The following CNNM4 variants were observed in gnomAD, a reference collection of about 807,000 sequenced individuals.
The protein encoded by CNNM4 is metal transporter CNNM4.
CNNM4 carries 32 observed loss-of-function variants against 53.7 expected under a neutral mutation model. The observed-to-expected ratio is 0.60, with a 90% confidence interval of 0.45 to 0.80. The LOEUF (loss-of-function observed/expected upper bound fraction) is 0.80. CNNM4 is among the 30% of genes least tolerant of loss of function. The pLI, the probability that CNNM4 is intolerant of heterozygous loss-of-function variation, is 0.00. For missense variants in CNNM4, 784 were observed against 1,022.0 expected (o/e 0.77, Z 3.17); for synonymous variants, 410 against 440.0 (o/e 0.93, Z 0.85).
chr2:96,803,892 CTG>C (rs772157954), intron 5 of CNNM4, among the ~76,000 whole-genome samples: 1 of 152,070 alleles, frequency 6.6e-6, no homozygotes, highest in Non-Finnish European at 1.5e-5. Flanking sequence ...TCTAGGACCT[CTG>C]TTTTTTTGTT....
In CNNM4 at chr2:96,801,304, C is replaced by CA. The variant is rs148852583; in HGVS notation, c.1948+1657dup. ...CAATTTCTAGGCAGCTTTGCTGCCT[C>CA]AGCTCTAGAAGGGGCCCCCAAAGAT... is the stretch of plus-strand genomic sequence containing the variant. On this transcript the variant is annotated intron_variant, in intron 5 of 6. Transcript: ENST00000377075. This position sits in a 1 kb window ranked among gnomAD's most constrained non-coding sequence, Gnocchi z 5.6. Among the ~76,000 whole-genome samples the CA allele has an allele frequency of 4.9e-4, 75 of 152,300 alleles. No homozygotes were observed. The highest frequency in any genetic ancestry group is 1.0e-3 in the Non-Finnish European group (71 of 68,024).
chr2:96,781,764 T>C (rs1048870460), intron 1 of CNNM4, among the ~76,000 whole-genome samples: 1 of 152,112 alleles, frequency 6.6e-6, no homozygotes, highest in Non-Finnish European at 1.5e-5. Context: ...GGAAGGACAA[T>C]TCAAAGCCCA....
Position 96,809,595 on chromosome 2 carries a change from TC to T in CNNM4, c.*80del. 7.7e-7 allele frequency: 1 copy of T among 1,302,792 alleles called. No individual in the cohort carries two copies. The highest frequency in any genetic ancestry group is 1.1e-6 in the Non-Finnish European group (1 of 907,010). 80.7% of individuals were successfully genotyped at this position (1,302,792 alleles called of 1,614,324 possible). On this transcript the variant is annotated 3_prime_UTR_variant, in exon 7 of 7. Coordinates refer to ENST00000377075, the MANE Select transcript of CNNM4 (RefSeq NM_020184.4). ...CACATGAAGAGAGGGAACCTGTTAG[TC>T]CAGAAAGGATACGGATAGATAGCCT...
intron 1 of CNNM4, among the ~76,000 whole-genome samples, chr2:96,770,232 G>A (rs1311067651): frequency 1.3e-5 from 2 of 152,204 alleles, no homozygotes; most frequent in Non-Finnish European, 2.9e-5. Context: ...AGTTATTCTG[G>A]TGTTTACTTT....
chr2:96,779,822 T>A (rs985020564), intron 1 of CNNM4, among the ~76,000 whole-genome samples: 2 of 150,760 alleles, frequency 1.3e-5, no homozygotes, highest in Non-Finnish European at 3.0e-5. Flanking sequence ...TTTTTTTTTT[T>A]AGACGGAGTC....
At chr2:96,776,677 A>G (rs2078927344) in intron 1 of CNNM4, among the ~76,000 whole-genome samples, 1 of 152,162 alleles carries the variant, frequency 6.6e-6, no homozygotes, top group Non-Finnish European at 1.5e-5. Context: ...GCGGTGATGC[A>G]TCTCGGCTCA....
Position 96,799,100 on chromosome 2 carries a change from G to C in CNNM4, c.1725G>C (p.Leu575=), listed in dbSNP as rs200199556. 4.5e-5 allele frequency: 73 copies of C among 1,614,178 alleles called. No homozygotes were observed. In the African/African-American group the frequency reaches 8.7e-4, roughly 19 times the overall value. The change falls in exon 4 of 7, where the codon CTG becomes CTC. Residue 575 remains leucine (L), a synonymous_variant. Coordinates refer to ENST00000377075, the MANE Select transcript of CNNM4 (RefSeq NM_020184.4). ...FSPSLISEKI[L]LRLLKYPDVI... ...CCTCCCTGATATCAGAGAAGATCCT[G>C]CTGCGGCTACTCAAGTACCCAGATG...
At chr2:96,780,708 A>G (rs2078966696) in intron 1 of CNNM4, among the ~76,000 whole-genome samples, 1 of 151,716 alleles carries the variant, frequency 6.6e-6, no homozygotes. Context: ...TTTTTTTAAG[A>G]GACAGGTTTT....
In CNNM4 at chr2:96,801,663, C is replaced by T. The variant is rs1280487281; in HGVS notation, c.1948+2015C>T. ...CACACACATGCAGAGAGACCACACACACACACACACAGAGACCACACGCAG... is the reference window on the plus strand; with the variant it reads ...CACACACATGCAGAGAGACCACACATACACACACACAGAGACCACACGCAG... On this transcript the variant is annotated intron_variant, in intron 5 of 6. Coordinates refer to ENST00000377075, the MANE Select transcript of CNNM4 (RefSeq NM_020184.4). This position sits in a 1 kb window ranked among gnomAD's most constrained non-coding sequence, Gnocchi z 5.6. Among the ~76,000 whole-genome samples the T allele has an allele frequency of 1.3e-5, 2 of 149,986 alleles. No individual in the cohort carries two copies. The highest frequency in any genetic ancestry group is 4.9e-5 in the African/African-American group (2 of 40,556).
Position 96,801,719 on chromosome 2 carries a change from A to G in CNNM4, c.1948+2071A>G, listed in dbSNP as rs1221995830. On this transcript the variant is annotated intron_variant, in intron 5 of 6. Coordinates refer to ENST00000377075, the MANE Select transcript of CNNM4 (RefSeq NM_020184.4). This position sits in a 1 kb window ranked among gnomAD's most constrained non-coding sequence, Gnocchi z 5.6. ...CCACACACACGCAGAGAGACCACAC[A>G]CATGCAGAGACCACACACACCCAGA... Among the ~76,000 whole-genome samples, 1 of 138,784 alleles carries G rather than the reference A, an allele frequency of 7.2e-6. No individual in the cohort carries two copies. Among genetic ancestry groups the G allele is most frequent in the Admixed American group, 6.8e-5 (1 of 14,692 alleles). 91.0% of individuals were successfully genotyped at this position (138,784 alleles called of 152,430 possible). A position where few individuals can be genotyped will look rare whatever the true frequency, so the allele number is the denominator to read the frequency against.
chr2:96,789,085 A>G (rs1053454538), intron 1 of CNNM4, among the ~76,000 whole-genome samples: 4 of 152,118 alleles, frequency 2.6e-5, no homozygotes, highest in African/African-American at 9.6e-5. Context: ...GGTGTGGAGC[A>G]CCTGCTGTGC....
At chr2:96,805,423 T>G (rs931046523) in intron 5 of CNNM4, among the ~76,000 whole-genome samples, 2 of 139,488 alleles carry the variant, frequency 1.4e-5, no homozygotes, top group East Asian at 2.0e-4. Context: ...TTTCAGTTTT[T>G]TTTTTTTTTT....
intron 5 of CNNM4, among the ~76,000 whole-genome samples, chr2:96,806,345 C>T (rs535267193): frequency 6.7e-6 from 1 of 149,370 alleles, no homozygotes; most frequent in African/African-American, 2.4e-5. Flanking sequence ...ACTTCTCTCT[C>T]TTTTTTTTTT....
intron 1 of CNNM4, among the ~76,000 whole-genome samples, chr2:96,791,735 G>A (rs1278568334): frequency 6.6e-6 from 1 of 152,062 alleles, no homozygotes; most frequent in Non-Finnish European, 1.5e-5. Context: ...ATATAAAATT[G>A]CTGATATTCA....
chr2:96,793,228 C>T (rs1185716396), intron 1 of CNNM4, among the ~76,000 whole-genome samples: 5 of 152,124 alleles, frequency 3.3e-5, no homozygotes. Context: ...GAATAACACT[C>T]CACCATGAAA....
At chr2:96,806,347 T>C (rs555120516) in intron 5 of CNNM4, among the ~76,000 whole-genome samples, 5 of 150,766 alleles carry the variant, frequency 3.3e-5, no homozygotes, top group South Asian at 2.1e-4. Flanking sequence ...TTCTCTCTCT[T>C]TTTTTTTTAT....
chr2:96,806,050 G>A (rs1389307013), intron 5 of CNNM4, among the ~76,000 whole-genome samples: 3 of 145,910 alleles, frequency 2.1e-5, no homozygotes, highest in Admixed American at 2.0e-4. Flanking sequence ...CTCACCTCCC[G>A]GACGGGGCGG....
At chr2:96,764,647 C>T (rs1332089829) in intron 1 of CNNM4, among the ~76,000 whole-genome samples, 1 of 152,170 alleles carries the variant, frequency 6.6e-6, no homozygotes, top group Non-Finnish European at 1.5e-5. Context: ...CCTTCTTAGT[C>T]TGAGATTACC....
chr2:96,799,611 C>G lies in CNNM4; in HGVS notation c.1911C>G (p.Ser637=), dbSNP rs1262152171. The G allele has an allele frequency of 1.3e-6, 2 of 1,553,952 alleles. No individual in the cohort carries two copies. Among genetic ancestry groups the G allele is most frequent in the Admixed American group, 3.9e-5 (2 of 51,360 alleles). The change falls in exon 5 of 7, where the codon TCC becomes TCG. Residue 637 remains serine (S), a synonymous_variant. Coordinates refer to ENST00000377075, the MANE Select transcript of CNNM4 (RefSeq NM_020184.4). ...TGAAGTTTGAGACGGGCGCCTTCTC[C>G]TACTATGGGACTATGGCCCTGACCT... is the stretch of plus-strand genomic sequence containing the variant. ...ENMKFETGAF[S]YYGTMALTSV...
Sources: allele counts gnomAD v4.1 joint callset (sites outside exome capture counted in the v4.1 genomes callset), GRCh38; gene constraint gnomAD v4.1.1; non-coding constraint Gnocchi (gnomAD v3.1); transcripts MANE v1.5; gene names NCBI Gene and HGNC (gene_info 2026-07-23, HGNC 2026-07-21).